SPON1: variants seen among roughly 807,000 people sequenced by gnomAD.
The protein encoded by SPON1 is spondin 1.
In SPON1, 52 loss-of-function variants were observed where a neutral mutation model predicts 111.7. The ratio of observed to expected loss-of-function variants is 0.47; its 90% CI spans 0.37 to 0.59. SPON1 has a LOEUF of 0.59. Ranked by LOEUF, SPON1 falls within the 20% of genes least tolerant of loss-of-function variation. The probability of loss-of-function intolerance (pLI) is 0.00; values close to 1 mark genes in which losing one functional copy is unlikely to be tolerated. For synonymous variants in SPON1, 410 were observed against 395.8 expected (o/e 1.04, Z -0.43); for missense variants, 957 against 1,068.5 (o/e 0.90, Z 1.46).
intron 5 of SPON1, among the ~76,000 whole-genome samples, chr11:14,096,056 A>G (rs570171507): frequency 6.6e-6 from 1 of 152,314 alleles, no homozygotes; most frequent in South Asian, 2.1e-4. Context: ...GGAATTTGGC[A>G]CCCAACACTT....
At chr11:14,188,931 T>C (rs1249156892) in intron 6 of SPON1, among the ~76,000 whole-genome samples, 2 of 152,226 alleles carry the variant, frequency 1.3e-5, no homozygotes, top group African/African-American at 4.8e-5. Context: ...CCCTGAGTAA[T>C]CACCCTTAAA....
At chr11:14,002,050 ATCTT>A (rs1470226096) in intron 2 of SPON1, among the ~76,000 whole-genome samples, 8 of 152,212 alleles carry the variant, frequency 5.3e-5, no homozygotes, top group African/African-American at 1.7e-4. Context: ...GAGGGAGGAC[ATCTT>A]TCTTGACATG....
In SPON1 at chr11:14,267,311, T is replaced by C. The variant is rs1161703198; in HGVS notation, c.*1624T>C. 5 of 152,246 alleles carry C rather than the reference T, an allele frequency of 3.3e-5. No individual in the cohort carries two copies. The highest frequency in any genetic ancestry group is 1.3e-4 in the Admixed American group (2 of 15,286). 9.4% of individuals were successfully genotyped at this position (152,246 alleles called of 1,614,324 possible). On this transcript the variant is annotated 3_prime_UTR_variant, in exon 16 of 16. Coordinates refer to ENST00000576479, the MANE Select transcript of SPON1 (RefSeq NM_006108.4). ...AAAAGATAGGGCTTTTGCTCCCTTG[T>C]TCTTGGAGGGACCATTATTACATCT... is the stretch of plus-strand genomic sequence containing the variant.
At chr11:14,014,658 A>T (rs1186033282) in intron 2 of SPON1, among the ~76,000 whole-genome samples, 1 of 152,164 alleles carries the variant, frequency 6.6e-6, no homozygotes, top group Non-Finnish European at 1.5e-5. Flanking sequence ...TTGCGCCTTC[A>T]TCCAATATCT....
chr11:14,055,046 C>G (rs1449040292), intron 3 of SPON1, among the ~76,000 whole-genome samples: 2 of 152,070 alleles, frequency 1.3e-5, no homozygotes, highest in Non-Finnish European at 2.9e-5. Context: ...CTGGATCTTT[C>G]TTCACCCTCA....
chr11:14,236,875 G>A (rs1241536268), intron 6 of SPON1, among the ~76,000 whole-genome samples: 3 of 152,226 alleles, frequency 2.0e-5, no homozygotes, highest in African/African-American at 7.2e-5. Flanking sequence ...GAGGTCACTG[G>A]TGACCTTGAC....
chr11:14,014,094 G>A (rs1216464741), intron 2 of SPON1, among the ~76,000 whole-genome samples: 4 of 152,128 alleles, frequency 2.6e-5, no homozygotes, highest in African/African-American at 4.8e-5. Flanking sequence ...ACATACTCCC[G>A]TCTCTGGCCC....
intron 7 of SPON1, among the ~76,000 whole-genome samples, chr11:14,247,392 T>C (rs1554940329): frequency 6.6e-6 from 1 of 152,234 alleles, no homozygotes; most frequent in Non-Finnish European, 1.5e-5. Context: ...AGCGAGACCC[T>C]GTCTCAAATA....
At chr11:14,146,103 C>T (rs534294810) in intron 6 of SPON1, among the ~76,000 whole-genome samples, 9 of 151,870 alleles carry the variant, frequency 5.9e-5, no homozygotes, top group African/African-American at 1.7e-4. Flanking sequence ...TTTTGCCATA[C>T]GGCCTCTTGT....
At chr11:14,078,838 C>T (rs1848938324) in intron 4 of SPON1, among the ~76,000 whole-genome samples, 1 of 152,174 alleles carries the variant, frequency 6.6e-6, no homozygotes, top group Non-Finnish European at 1.5e-5. Flanking sequence ...CATCTCCACC[C>T]TAGAACCTAG....
chr11:14,126,257 C>T (rs1554926989), intron 5 of SPON1, among the ~76,000 whole-genome samples: 1 of 152,212 alleles, frequency 6.6e-6, no homozygotes, highest in Non-Finnish European at 1.5e-5. Context: ...TTAACCATCA[C>T]TCTGCCATGT....
chr11:14,138,208 C>A (rs1362113413), intron 6 of SPON1, among the ~76,000 whole-genome samples: 1 of 152,124 alleles, frequency 6.6e-6, no homozygotes, highest in Non-Finnish European at 1.5e-5. Context: ...TGCTTACCAG[C>A]ATTCTCTTAT....
At chr11:14,002,813 C>G (rs782400124) in intron 2 of SPON1, among the ~76,000 whole-genome samples, 1 of 152,092 alleles carries the variant, frequency 6.6e-6, no homozygotes, top group Non-Finnish European at 1.5e-5. Flanking sequence ...GTTGAGAAAG[C>G]TGGTCAGGGG....
At chr11:13,996,724 T>TATATATATATACAC (rs569794197) in intron 2 of SPON1, among the ~76,000 whole-genome samples, 1 of 151,926 alleles carries the variant, frequency 6.6e-6, no homozygotes, top group African/African-American at 2.4e-5. Flanking sequence ...TATATATATA[T>TATATATATATACAC]ACACACACAC....
chr11:14,137,731 G>C (rs1297335559), intron 6 of SPON1, among the ~76,000 whole-genome samples: 2 of 152,042 alleles, frequency 1.3e-5, no homozygotes, highest in Admixed American at 6.6e-5. Context: ...CATAGCATGG[G>C]GTCCTGTGAG....
chr11:13,989,740 G>A (rs1848213107), intron 2 of SPON1, among the ~76,000 whole-genome samples: 1 of 152,166 alleles, frequency 6.6e-6, no homozygotes, highest in African/African-American at 2.4e-5. Context: ...ATTCTGGTAT[G>A]TTGTGTCTTC....
At chr11:14,164,729 T>G (rs1848007994) in intron 6 of SPON1, among the ~76,000 whole-genome samples, 1 of 152,156 alleles carries the variant, frequency 6.6e-6, no homozygotes, top group South Asian at 2.1e-4. Flanking sequence ...TTATTATCAC[T>G]TAAATCAGCC....
chr11:14,041,794 AC>A, intron 3 of SPON1, 140 bp downstream of exon 3: 1 of 860,876 alleles, frequency 1.2e-6, no homozygotes, highest in Non-Finnish European at 1.8e-6. Context: ...TCTCAATAGC[AC>A]CATAGACTAT....
chr11:14,093,577 AT>A (rs1450680452), intron 5 of SPON1, among the ~76,000 whole-genome samples: 2 of 152,250 alleles, frequency 1.3e-5, no homozygotes, highest in East Asian at 3.8e-4. Flanking sequence ...ATTGCCTAAA[AT>A]ATAAATACAG....
Sources: allele counts gnomAD v4.1 joint callset (sites outside exome capture counted in the v4.1 genomes callset), GRCh38; gene constraint gnomAD v4.1.1; transcripts MANE v1.5; gene names NCBI Gene and HGNC (gene_info 2026-07-23, HGNC 2026-07-21).